Variants in CTNNA3 observed in about 807,000 individuals in gnomAD.
CTNNA3 encodes the protein catenin alpha 3, also known as catenin alpha-3.
In CTNNA3, 76 loss-of-function variants were observed where a neutral mutation model predicts 95.7. The ratio of observed to expected loss-of-function variants is 0.79; its 90% CI spans 0.66 to 0.96. CTNNA3 has a LOEUF of 0.96. Ranked by LOEUF, CTNNA3 falls within the 40% of genes least tolerant of loss-of-function variation. The pLI is 0.00. For missense variants in CTNNA3, 1,191 were observed against 1,089.8 expected (o/e 1.09, Z -1.31); for synonymous variants, 431 against 374.4 (o/e 1.15, Z -1.74).
chr10:67,487,499 A>G (rs1187650711), intron 5 of CTNNA3, among the ~76,000 whole-genome samples: 1 of 152,150 alleles, frequency 6.6e-6, no homozygotes, highest in Admixed American at 6.5e-5. Context: ...CCTACACCTA[A>G]TTTTGGTGGT....
At chr10:67,734,966 G>A (rs1298435605) in intron 1 of CTNNA3, among the ~76,000 whole-genome samples, 1 of 152,022 alleles carries the variant, frequency 6.6e-6, no homozygotes, top group Non-Finnish European at 1.5e-5. Context: ...TTAAGATAAA[G>A]TAAATTTTAC....
intron 5 of CTNNA3, among the ~76,000 whole-genome samples, chr10:67,410,282 T>G (rs909992756): frequency 2.0e-5 from 3 of 151,948 alleles, no homozygotes; most frequent in Non-Finnish European, 4.4e-5. Context: ...AAGTTTTCAC[T>G]TACAAGTGGG....
intron 13 of CTNNA3, among the ~76,000 whole-genome samples, chr10:66,111,327 C>A (rs1436731274): frequency 6.6e-6 from 1 of 152,184 alleles, no homozygotes; most frequent in African/African-American, 2.4e-5. Flanking sequence ...GCTTCCTGTA[C>A]AGCCTGTGGA....
intron 2 of CTNNA3, 34 bp from the exon 3 acceptor site, chr10:67,607,083 C>G: frequency 6.6e-7 from 1 of 1,512,398 alleles, no homozygotes; most frequent in Non-Finnish European, 9.1e-7. Flanking sequence ...ACTAAATTGA[C>G]AAATTGTAAG....
chr10:66,665,582 T>C (rs1846423021), intron 9 of CTNNA3, among the ~76,000 whole-genome samples: 1 of 152,142 alleles, frequency 6.6e-6, no homozygotes, highest in African/African-American at 2.4e-5. Context: ...AAAAAGTCAA[T>C]TGATGGATTC....
chr10:66,104,446 AT>A (rs540013443), intron 13 of CTNNA3, among the ~76,000 whole-genome samples: 6 of 151,988 alleles, frequency 3.9e-5, no homozygotes, highest in South Asian at 2.1e-4. Context: ...AACTTAATAT[AT>A]TTTTTTTATT....
intron 7 of CTNNA3, among the ~76,000 whole-genome samples, chr10:67,160,433 CTTTTTTT>C (rs71006132): frequency 1.1e-5 from 1 of 92,786 alleles, no homozygotes; most frequent in East Asian, 2.8e-4. Flanking sequence ...TTCATCACAT[CTTTTTTT>C]TTTTTTTTTT....
chr10:67,622,345 T>C (rs1843874884), intron 2 of CTNNA3, among the ~76,000 whole-genome samples: 1 of 152,220 alleles, frequency 6.6e-6, no homozygotes, highest in Admixed American at 6.5e-5. Flanking sequence ...GAAGTGGGTA[T>C]CTATGGAATC....
intron 17 of CTNNA3, among the ~76,000 whole-genome samples, chr10:65,945,142 A>ATGTG (rs71474003): frequency 1.5e-3 from 226 of 149,192 alleles, no homozygotes; most frequent in African/African-American, 3.9e-3. Flanking sequence ...TCTTCTATAA[A>ATGTG]TGTGTGTGTG....
chr10:66,029,802 GTAGA>G (rs2079414652), intron 15 of CTNNA3, among the ~76,000 whole-genome samples: 1 of 152,246 alleles, frequency 6.6e-6, no homozygotes, highest in Non-Finnish European at 1.5e-5. Context: ...TATTGAATGA[GTAGA>G]TAAACATACA....
intron 12 of CTNNA3, among the ~76,000 whole-genome samples, chr10:66,325,623 T>A (rs1039380210): frequency 6.6e-6 from 1 of 152,084 alleles, no homozygotes. Context: ...CTGTTCTACA[T>A]CTCCCCTGCA....
intron 13 of CTNNA3, among the ~76,000 whole-genome samples, chr10:66,115,602 TAG>T (rs1365095412): frequency 3.5e-4 from 51 of 147,708 alleles, no homozygotes; most frequent in African/African-American, 1.3e-3. Flanking sequence ...GAGATAGAGA[TAG>T]AGATAGAGAT....
intron 7 of CTNNA3, among the ~76,000 whole-genome samples, chr10:66,954,882 C>A (rs1848709313): frequency 6.6e-6 from 1 of 152,046 alleles, no homozygotes; most frequent in Non-Finnish European, 1.5e-5. Flanking sequence ...TGGATTCTGG[C>A]CTAAACACTG....
chr10:67,076,308 A>G (rs562310290), intron 7 of CTNNA3, among the ~76,000 whole-genome samples: 1 of 152,366 alleles, frequency 6.6e-6, no homozygotes, highest in African/African-American at 2.4e-5. Flanking sequence ...AGATCATGTT[A>G]CTTCAGTCCT....
chr10:65,991,479 G>C (rs1241587378), intron 15 of CTNNA3, among the ~76,000 whole-genome samples: 3 of 151,358 alleles, frequency 2.0e-5, no homozygotes, highest in Non-Finnish European at 4.4e-5. Flanking sequence ...GTTGGTTCTT[G>C]TTTGGTTAAA....
At chr10:66,485,089 A>G (rs1408172834) in intron 11 of CTNNA3, among the ~76,000 whole-genome samples, 2 of 152,154 alleles carry the variant, frequency 1.3e-5, no homozygotes, top group Non-Finnish European at 2.9e-5. Context: ...GTACCACAAC[A>G]TAATATAGGC....
chr10:66,793,945 T>C (rs571723784), intron 7 of CTNNA3, among the ~76,000 whole-genome samples: 1 of 152,166 alleles, frequency 6.6e-6, no homozygotes, highest in Admixed American at 6.5e-5. Context: ...GTCACAAATA[T>C]AGCAATACAC....
At chr10:67,453,624 GAAAA>G (rs1032798947) in intron 5 of CTNNA3, among the ~76,000 whole-genome samples, 6 of 152,096 alleles carry the variant, frequency 3.9e-5, no homozygotes, top group African/African-American at 1.4e-4. Context: ...ATTTGGAAAA[GAAAA>G]GAAAACAAGG....
chr10:67,002,539 C>A (rs1851747479), intron 7 of CTNNA3, among the ~76,000 whole-genome samples: 1 of 152,118 alleles, frequency 6.6e-6, no homozygotes, highest in East Asian at 1.9e-4. Context: ...AAAAAAATTC[C>A]TTTGAAAATG....
Sources: allele counts gnomAD v4.1 joint callset (sites outside exome capture counted in the v4.1 genomes callset), GRCh38; gene constraint gnomAD v4.1.1; transcripts MANE v1.5; gene names NCBI Gene and HGNC (gene_info 2026-07-23, HGNC 2026-07-21).